The following EP400 variants were observed in gnomAD, a reference collection of about 807,000 sequenced individuals.
EP400 encodes the protein E1A binding protein p400.
Under a neutral mutation model 354.1 loss-of-function variants are expected in EP400, and 105 were observed. That is an observed-to-expected ratio of 0.30 (90% confidence interval 0.25 to 0.35). EP400 has a LOEUF of 0.35. Among genes scored for constraint, EP400 ranks in the 10% least tolerant of loss-of-function variants. The probability of loss-of-function intolerance (pLI) is 1.00; values close to 1 mark genes in which losing one functional copy is unlikely to be tolerated. For synonymous variants in EP400, 1,646 were observed against 1,716.9 expected (o/e 0.96, Z 1.02); for missense variants, 3,280 against 4,121.0 (o/e 0.80, Z 5.59).
chr12:132,021,175 C>G lies in EP400; in HGVS notation c.4544C>G (p.Pro1515Arg), dbSNP rs141563140. Residue 1515 changes from proline (P) to arginine (R), a missense_variant, in exon 23 of 53, where the codon CCT (proline) becomes CGT (arginine). Pro to Arg is a moderately radical substitution (Grantham distance 103, BLOSUM62 -2). Transcript: ENST00000389561. The stretch of plus-strand genomic sequence containing the variant: ...AGCACAGCCGCTAGCCCGGCCCATC[C>G]TGCGAAACTGCGGGCCCAGACCACA... ...ASSTAASPAHPAKLRAQTTAQ... is the reference protein window; with the variant it reads ...ASSTAASPAHRAKLRAQTTAQ... The G allele has an allele frequency of 4.4e-4, 699 of 1,601,032 alleles. No individual in the cohort carries two copies. Among genetic ancestry groups the G allele is most frequent in the Non-Finnish European group, 5.6e-4 (659 of 1,179,698 alleles).
chr12:132,020,855 G>T (rs1236003151), intron 22 of EP400, among the ~76,000 whole-genome samples: 2 of 152,170 alleles, frequency 1.3e-5, no homozygotes, highest in African/African-American at 4.8e-5. Flanking sequence ...GAAATGTACC[G>T]CGTAGCGTAC....
chr12:131,971,102 G>A (rs1309444724), intron 2 of EP400, among the ~76,000 whole-genome samples: 1 of 152,152 alleles, frequency 6.6e-6, no homozygotes, highest in Non-Finnish European at 1.5e-5. Flanking sequence ...CATTCAGAAG[G>A]CTGAGGCGGG....
At chr12:131,978,106 C>T (rs1337449546) in intron 2 of EP400, among the ~76,000 whole-genome samples, 1 of 152,146 alleles carries the variant, frequency 6.6e-6, no homozygotes, top group Non-Finnish European at 1.5e-5. Context: ...CAAGAGTTGG[C>T]TAGTTTCTGT....
chr12:132,038,164 C>G lies in EP400; in HGVS notation c.6207+68C>G. 6.3e-7 allele frequency: 1 copy of G among 1,595,300 alleles called. No individual in the cohort carries two copies. ...GCCGGCGGAACACCTGCACCCTCCC[C>G]CAGGGTTCTGGGTGCTCAGTCCCCA... On this transcript the variant is annotated intron_variant, in intron 32 of 52. Transcript: ENST00000389561. The surrounding 1 kb of genome is among the most constrained non-coding windows in gnomAD (Gnocchi z 4.2).
At chr12:131,966,721 T>C (rs1892104162) in intron 2 of EP400, among the ~76,000 whole-genome samples, 1 of 151,186 alleles carries the variant, frequency 6.6e-6, no homozygotes, top group Non-Finnish European at 1.5e-5. Flanking sequence ...CTGGCCAACA[T>C]GGTGAAACTC....
chr12:132,027,489 A>C lies in EP400; in HGVS notation c.5067A>C (p.Gly1689=). ...ATGCCTTGGCTGTAGGAGAACCCGG[A>C]ACGGCCTCCAAACCAGCTTCTCCCA... ...AVNALAVGEP[G]TASKPASPIG... The change falls in exon 26 of 53, where the codon GGA becomes GGC. Residue 1689 remains glycine, a synonymous_variant. Coordinates refer to ENST00000389561, the MANE Select transcript of EP400 (RefSeq NM_015409.5). The surrounding 1 kb of genome is among the most constrained non-coding windows in gnomAD (Gnocchi z 4.9). 6.2e-7 allele frequency: 1 copy of C among 1,613,866 alleles called. No homozygotes were observed. The highest frequency in any genetic ancestry group is 8.5e-7 in the Non-Finnish European group (1 of 1,179,964).
At chr12:132,019,058 C>T (rs573911134) in intron 21 of EP400, among the ~76,000 whole-genome samples, 59 of 152,292 alleles carry the variant, frequency 3.9e-4, no homozygotes, top group African/African-American at 1.4e-3. Flanking sequence ...ATCACCGTCC[C>T]CTCATCAGTA....
rs890735387 is a variant in EP400 at position 132,078,970 on chromosome 12, A to T, written c.*1297A>T. Reference sequence around the variant, plus strand: ...ACCAAAGCAAAAAGGTCCATATCCAATAGTATCCTTTGTGCTGTGGCTTGA... The same window carrying T: ...ACCAAAGCAAAAAGGTCCATATCCATTAGTATCCTTTGTGCTGTGGCTTGA... On this transcript the variant is annotated 3_prime_UTR_variant, in exon 53 of 53. Coordinates refer to ENST00000389561, the MANE Select transcript of EP400 (RefSeq NM_015409.5). 6.6e-6 allele frequency: 1 copy of T among 152,228 alleles called. No homozygotes were observed. Among genetic ancestry groups the T allele is most frequent in the Admixed American group, 6.5e-5 (1 of 15,290 alleles). 9.4% of individuals were successfully genotyped at this position (152,228 alleles called of 1,614,324 possible). A position where few individuals can be genotyped will look rare whatever the true frequency, so the allele number is the denominator to read the frequency against.
intron 2 of EP400, among the ~76,000 whole-genome samples, chr12:131,971,462 C>T (rs1468853853): frequency 1.1e-4 from 17 of 152,196 alleles, no homozygotes; most frequent in Non-Finnish European, 4.4e-5. Flanking sequence ...GATACCTCTT[C>T]AAGACACGGA....
At chr12:132,032,708 G>A (rs989699687) in intron 30 of EP400, among the ~76,000 whole-genome samples, 3 of 149,070 alleles carry the variant, frequency 2.0e-5, no homozygotes, top group Admixed American at 1.4e-4. Flanking sequence ...TTGGCTCACC[G>A]CGACCTCTGT....
Position 131,960,707 on chromosome 12 carries a change from G to GTCCCCCC in EP400, c.88_89insTCCCCCC (p.Ala30ValfsTer37). On this transcript the variant is annotated frameshift_variant, in exon 2 of 53. Coordinates refer to ENST00000389561, the MANE Select transcript of EP400 (RefSeq NM_015409.5). LOFTEE classifies it high-confidence loss of function. ...TGGCAGCGAGGGTGAGGAGCAGCCG[G>GTCCCCCC]CCCACCCCAACCCACCCCCGTCCCC... 7 of 1,545,590 alleles carry GTCCCCCC rather than the reference G, an allele frequency of 4.5e-6. No homozygotes were observed. In the South Asian group the frequency reaches 4.8e-5, roughly 11 times the overall value.
At chr12:132,068,047 C>T in intron 50 of EP400, 1 of 152,764 alleles carries the variant, frequency 6.5e-6, no homozygotes, top group East Asian at 1.9e-4. Flanking sequence ...ACCTGTGCCT[C>T]TCAGCAGCCA....
intron 39 of EP400, among the ~76,000 whole-genome samples, chr12:132,046,565 G>A (rs913265346): frequency 1.3e-5 from 2 of 152,172 alleles, no homozygotes; most frequent in Non-Finnish European, 2.9e-5. Flanking sequence ...GTTTATTTAC[G>A]TGTAGTGTAG....
rs756289447 is a variant in EP400 at position 132,045,322 on chromosome 12, C to T, written c.6788C>T (p.Ala2263Val). 1 of 1,614,144 alleles carries T rather than the reference C, an allele frequency of 6.2e-7. No homozygotes were observed. The highest frequency in any genetic ancestry group is 1.1e-5 in the South Asian group (1 of 91,060). Residue 2263 changes from alanine to valine, a missense_variant, in exon 38 of 53, where the codon GCA becomes GTA. Around this residue, in one of 20 missense-constraint regions of EP400, gnomAD observed 231 missense variants for 257.9 expected, o/e 0.90. Coordinates refer to ENST00000389561, the MANE Select transcript of EP400 (RefSeq NM_015409.5). Reference sequence around the variant, plus strand: ...TGAAGACTGCCTCTCTGTTCAGCTGCAGGCAGGAAGAAGAAGCAGCGTCAC... The same window carrying T: ...TGAAGACTGCCTCTCTGTTCAGCTGTAGGCAGGAAGAAGAAGCAGCGTCAC... ...RKRHKTDPSA[A>V]GRKKKQRHGE...
intron 29 of EP400, chr12:132,031,374 C>T (rs1340417183): frequency 1.9e-6 from 1 of 519,088 alleles, no homozygotes; most frequent in Non-Finnish European, 3.8e-6. Flanking sequence ...GCAAGGTGGA[C>T]TCTAACTTTT....
At chr12:131,970,151 A>G (rs1892238916) in intron 2 of EP400, among the ~76,000 whole-genome samples, 2 of 152,252 alleles carry the variant, frequency 1.3e-5, no homozygotes, top group Admixed American at 1.3e-4. Flanking sequence ...GAGGAATAGA[A>G]TATATTAATG....
At chr12:131,952,021 G>A (rs1171231939) in intron 1 of EP400, among the ~76,000 whole-genome samples, 1 of 151,776 alleles carries the variant, frequency 6.6e-6, no homozygotes, top group Admixed American at 6.6e-5. Flanking sequence ...CCTGACCTCA[G>A]GTGATCTGCC....
chr12:131,959,752 A>G (rs1226498846), intron 1 of EP400, among the ~76,000 whole-genome samples: 1 of 152,106 alleles, frequency 6.6e-6, no homozygotes, highest in Non-Finnish European at 1.5e-5. Context: ...GAGAATGTTG[A>G]GATCTGAGGC....
At chr12:131,952,345 A>G (rs1231507132) in intron 1 of EP400, among the ~76,000 whole-genome samples, 1 of 149,850 alleles carries the variant, frequency 6.7e-6, no homozygotes, top group African/African-American at 2.5e-5. Context: ...ATAGGGTTTC[A>G]CCATGTTGGC....
Sources: gnomAD v4.1 joint callset for allele counts (sites outside exome capture counted in the v4.1 genomes callset) on GRCh38, gnomAD v4.1.1 for gene constraint, gnomAD v4.1.1 regional missense constraint, Gnocchi (gnomAD v3.1) non-coding constraint, MANE v1.5 for transcripts, NCBI Gene and HGNC (gene_info 2026-07-23, HGNC 2026-07-21) for gene names.